BLNK: variants seen among roughly 807,000 people sequenced by gnomAD.
BLNK encodes B-cell linker protein.
Under a neutral mutation model 73.5 loss-of-function variants are expected in BLNK, and 29 were observed. The ratio of observed to expected loss-of-function variants is 0.39; its 90% CI spans 0.29 to 0.54. The LOEUF is 0.54. BLNK is among the 20% of genes least tolerant of loss of function. The pLI is 0.61. For missense variants in BLNK, 460 were observed against 562.8 expected, an observed-to-expected ratio of 0.82 and a Z score of 1.85; for synonymous variants, 176 against 200.8, an observed-to-expected ratio of 0.88 and a Z score of 1.04.
intron 3 of BLNK, among the ~76,000 whole-genome samples, chr10:96,231,708 C>G (rs1591335465): frequency 7.7e-6 from 1 of 130,584 alleles, no homozygotes; most frequent in East Asian, 2.2e-4. Context: ...GCTGGGATGA[C>G]AGAGTAAGAC....
intron 1 of BLNK, among the ~76,000 whole-genome samples, chr10:96,265,804 A>G (rs1347784346): frequency 4.6e-5 from 7 of 152,242 alleles, no homozygotes; most frequent in Admixed American, 3.3e-4. Flanking sequence ...CAACAGTGGC[A>G]ATAGGGACAT....
At chr10:96,259,831 A>C (rs1843677290) in intron 1 of BLNK, among the ~76,000 whole-genome samples, 1 of 151,716 alleles carries the variant, frequency 6.6e-6, no homozygotes, top group Admixed American at 6.6e-5. Flanking sequence ...TGATTCTACT[A>C]ATACCCTGTG....
chr10:96,251,677 A>G (rs1843291626), intron 1 of BLNK, among the ~76,000 whole-genome samples: 1 of 152,214 alleles, frequency 6.6e-6, no homozygotes, highest in African/African-American at 2.4e-5. Flanking sequence ...GCAGTATGGC[A>G]TTTTGGTATT....
intron 1 of BLNK, among the ~76,000 whole-genome samples, chr10:96,270,856 A>T (rs956577346): frequency 6.6e-6 from 1 of 152,210 alleles, no homozygotes; most frequent in Non-Finnish European, 1.5e-5. Flanking sequence ...CATTGGAAAG[A>T]CAGATCTAAT....
At chr10:96,205,678 C>T (rs1360311480) in intron 11 of BLNK, among the ~76,000 whole-genome samples, 2 of 152,210 alleles carry the variant, frequency 1.3e-5, no homozygotes, top group African/African-American at 2.4e-5. Flanking sequence ...CTGATTCCTT[C>T]CTAGGCTAGT....
intron 16 of BLNK, among the ~76,000 whole-genome samples, chr10:96,196,311 C>T (rs2083463826): frequency 6.6e-6 from 1 of 152,140 alleles, no homozygotes; most frequent in South Asian, 2.1e-4. Flanking sequence ...TTTCAGGGTT[C>T]ATTTATAGGA....
rs146659709 is a variant in BLNK, at chr10:96,251,678, T to C, written c.48-4629A>G. ...TATTGTAATTTTAAGCAGTATGGCATTTTGGTATTTAAAAATGGTGAGCAG... is the reference window on the plus strand; with the variant it reads ...TATTGTAATTTTAAGCAGTATGGCACTTTGGTATTTAAAAATGGTGAGCAG... On this transcript the variant is annotated intron_variant, in intron 1 of 16. Transcript: ENST00000224337. Among the ~76,000 whole-genome samples the C allele has an allele frequency of 1.1e-3, 175 of 152,348 alleles. 3 individuals are homozygous for C. In the East Asian group the frequency reaches 0.031, roughly 27 times the overall value.
At chr10:96,263,931 C>T (rs112274609) in intron 1 of BLNK, among the ~76,000 whole-genome samples, 2,766 of 152,266 alleles carry the variant, frequency 0.018, 83 homozygotes, top group African/African-American at 0.062. Flanking sequence ...ACCTAGAGGA[C>T]GGCAGCCAGC....
intron 3 of BLNK, among the ~76,000 whole-genome samples, chr10:96,237,315 G>C (rs1842730399): frequency 6.6e-6 from 1 of 151,208 alleles, no homozygotes; most frequent in African/African-American, 2.4e-5. Context: ...ATTTACCCAA[G>C]AATCCCTGTC....
intron 11 of BLNK, among the ~76,000 whole-genome samples, chr10:96,206,117 C>CA (rs1234515064): frequency 6.6e-6 from 1 of 152,100 alleles, no homozygotes; most frequent in Non-Finnish European, 1.5e-5. Context: ...GTCATTAAAG[C>CA]AGAGAGGTGA....
At chr10:96,197,924 A>AAAT (rs1261103023) in intron 15 of BLNK, among the ~76,000 whole-genome samples, 1 of 150,038 alleles carries the variant, frequency 6.7e-6, no homozygotes, top group Non-Finnish European at 1.5e-5. Context: ...AAAAAAAAAA[A>AAAT]GAAAGAAAAA....
intron 8 of BLNK, among the ~76,000 whole-genome samples, chr10:96,210,863 G>GTTTTTT (rs377260098): frequency 1.5e-4 from 18 of 121,950 alleles, no homozygotes; most frequent in African/African-American, 2.0e-4. Flanking sequence ...CCACAATTCC[G>GTTTTTT]TTTTTTTTTT....
chr10:96,266,025 G>A (rs1843982394), intron 1 of BLNK, among the ~76,000 whole-genome samples: 1 of 152,172 alleles, frequency 6.6e-6, no homozygotes. Context: ...ATGTTTCTGT[G>A]GAATCTATTA....
chr10:96,230,648 C>A, intron 4 of BLNK, 146 bp downstream of exon 4: 1 of 851,564 alleles, frequency 1.2e-6, no homozygotes. Context: ...AGCTGGTATG[C>A]AGTATGCCTT....
chr10:96,266,334 A>G (rs1554914269), intron 1 of BLNK, among the ~76,000 whole-genome samples: 1 of 152,210 alleles, frequency 6.6e-6, no homozygotes, highest in African/African-American at 2.4e-5. Context: ...ATCATAGTCC[A>G]TTTGGAAACA....
intron 6 of BLNK, among the ~76,000 whole-genome samples, chr10:96,220,599 A>G (rs1554900908): frequency 6.6e-6 from 1 of 152,204 alleles, no homozygotes; most frequent in African/African-American, 2.4e-5. Flanking sequence ...ATGTGGTCTT[A>G]TTGACCACTT....
In BLNK at chr10:96,204,612, T is replaced by C. The variant is rs1255951611; in HGVS notation, c.822A>G (p.Lys274=). The C allele has an allele frequency of 1.2e-6, 2 of 1,613,656 alleles. No homozygotes were observed. Among genetic ancestry groups the C allele is most frequent in the African/African-American group, 2.7e-5 (2 of 74,858 alleles). ...CTCGGTGGCGTTCAGCAGGTATAGG[T>C]TTTTCTGGATCAGGAAAATTATCAT... The part of the protein sequence containing the change: ...QQNASSVCEE[K]PIPAERHRGS... The change falls in exon 12 of 17, where the codon AAA becomes AAG. Residue 274 remains lysine, a synonymous_variant. Coordinates refer to ENST00000224337, the MANE Select transcript of BLNK (RefSeq NM_013314.4).
intron 2 of BLNK, among the ~76,000 whole-genome samples, chr10:96,244,200 C>G (rs375931290): frequency 1.7e-4 from 26 of 152,014 alleles, no homozygotes; most frequent in African/African-American, 6.3e-4. Context: ...ATCATTAGTC[C>G]CATGATGAGG....
chr10:96,238,728 A>C (rs1297866830), intron 3 of BLNK, among the ~76,000 whole-genome samples: 1 of 152,086 alleles, frequency 6.6e-6, no homozygotes, highest in Non-Finnish European at 1.5e-5. Context: ...CCGGGGATTG[A>C]GTGTAAGAGC....
Sources: gnomAD v4.1 joint callset for allele counts (sites outside exome capture counted in the v4.1 genomes callset) on GRCh38, gnomAD v4.1.1 for gene constraint, MANE v1.5 for transcripts, NCBI Gene and HGNC (gene_info 2026-07-23, HGNC 2026-07-21) for gene names.